The following LIPI variants were observed in gnomAD, a reference collection of about 807,000 sequenced individuals.
The protein encoded by LIPI is lipase member I.
In LIPI, 59 loss-of-function variants were observed where a neutral mutation model predicts 50.6. That is an observed-to-expected ratio of 1.16 (90% CI 0.94 to 1.45). LIPI has a LOEUF of 1.45. Among genes scored for constraint, LIPI ranks in the 40% most tolerant of loss-of-function variants. LIPI has a pLI of 0.00. For missense variants in LIPI, 586 were observed against 536.3 expected, an observed-to-expected ratio of 1.09 and a Z score of -0.92; for synonymous variants, 203 against 178.2, an observed-to-expected ratio of 1.14 and a Z score of -1.11.
At chr21:14,152,442 T>A (rs1239892100) in intron 8 of LIPI, 131 bp downstream of exon 8, 4 of 604,110 alleles carry the variant, frequency 6.6e-6, no homozygotes, top group Non-Finnish European at 8.9e-6. Flanking sequence ...ATGAGATCCT[T>A]TTAATATTTA....
At chr21:14,123,282 G>T (rs1054126058) in intron 9 of LIPI, among the ~76,000 whole-genome samples, 1 of 152,200 alleles carries the variant, frequency 6.6e-6, no homozygotes, top group Admixed American at 6.5e-5. Flanking sequence ...CAGTGGAGAA[G>T]CTTCATAGAC....
chr21:14,117,884 A>G (rs1250626678), intron 9 of LIPI, among the ~76,000 whole-genome samples: 1 of 152,076 alleles, frequency 6.6e-6, no homozygotes, highest in African/African-American at 2.4e-5. Context: ...GAAAAGGCAG[A>G]GTTCTTGGCC....
chr21:14,161,524 T>C (rs2018464491), intron 7 of LIPI, among the ~76,000 whole-genome samples: 1 of 129,384 alleles, frequency 7.7e-6, no homozygotes, highest in Admixed American at 8.8e-5. Flanking sequence ...TATATAGATA[T>C]AGATATAATA....
chr21:14,165,135 T>C (rs1013142764), intron 6 of LIPI, 88 bp downstream of exon 6: 1 of 983,996 alleles, frequency 1.0e-6, no homozygotes, highest in African/African-American at 1.6e-5. Flanking sequence ...GTAAACAGAG[T>C]GCACAGTTTA....
At chr21:14,122,896 G>GATT (rs568832960) in intron 9 of LIPI, among the ~76,000 whole-genome samples, 475 of 152,314 alleles carry the variant, frequency 3.1e-3, no homozygotes, top group African/African-American at 9.7e-3. Context: ...TCACAGTTCA[G>GATT]ATTTTTCAGA....
At chr21:14,203,464 G>A (rs2020130893) in intron 1 of LIPI, among the ~76,000 whole-genome samples, 1 of 152,132 alleles carries the variant, frequency 6.6e-6, no homozygotes, top group Non-Finnish European at 1.5e-5. Flanking sequence ...ACTGGATTAA[G>A]AAAATGTGGC....
chr21:14,207,269 C>A (rs1458356535), intron 1 of LIPI, among the ~76,000 whole-genome samples: 4 of 152,106 alleles, frequency 2.6e-5, no homozygotes, highest in African/African-American at 7.2e-5. Flanking sequence ...CTATAGTTAA[C>A]AATAATACAT....
intron 9 of LIPI, among the ~76,000 whole-genome samples, chr21:14,109,779 C>T (rs2016329824): frequency 6.6e-6 from 1 of 151,846 alleles, no homozygotes; most frequent in South Asian, 2.1e-4. Flanking sequence ...CACAAAACAG[C>T]TTAGGCAGGT....
intron 4 of LIPI, among the ~76,000 whole-genome samples, chr21:14,172,032 C>G (rs932036402): frequency 6.6e-6 from 1 of 152,060 alleles, no homozygotes; most frequent in African/African-American, 2.4e-5. Flanking sequence ...AAAAAACAAA[C>G]AACCCCATCA....
chr21:14,209,072 C>T (rs73347921), intron 1 of LIPI, among the ~76,000 whole-genome samples: 2,299 of 152,080 alleles, frequency 0.015, 64 homozygotes, highest in African/African-American at 0.051. Context: ...AATTTCTGAC[C>T]CTTGCAATAT....
At chr21:14,169,961 C>T (rs868226217) in intron 4 of LIPI, among the ~76,000 whole-genome samples, 1,635 of 151,784 alleles carry the variant, frequency 0.011, 26 homozygotes, top group African/African-American at 0.037. Flanking sequence ...ATTGATAGAC[C>T]GCTAGCAAGA....
intron 8 of LIPI, among the ~76,000 whole-genome samples, chr21:14,148,071 C>A (rs1248373845): frequency 6.6e-6 from 1 of 151,988 alleles, no homozygotes; most frequent in Admixed American, 6.6e-5. Flanking sequence ...TCCAATGAAT[C>A]ATTAGTAGTA....
At chr21:14,181,105 T>C (rs746136190) in intron 4 of LIPI, among the ~76,000 whole-genome samples, 34 of 152,194 alleles carry the variant, frequency 2.2e-4, no homozygotes, top group Non-Finnish European at 2.5e-4. Flanking sequence ...TAGAATTCAC[T>C]AATTAATTCA....
intron 2 of LIPI, among the ~76,000 whole-genome samples, chr21:14,186,658 T>C (rs2019466632): frequency 6.6e-6 from 1 of 152,224 alleles, no homozygotes; most frequent in African/African-American, 2.4e-5. Context: ...GTTGGAATTC[T>C]AATCCCCAAG....
intron 9 of LIPI, among the ~76,000 whole-genome samples, chr21:14,128,881 A>G (rs575413175): frequency 6.6e-6 from 1 of 152,222 alleles, no homozygotes; most frequent in South Asian, 2.1e-4. Context: ...TATATCCTTA[A>G]CAACGCCCTG....
In LIPI at chr21:14,186,204, T is replaced by G. The variant is rs1048361796; in HGVS notation, c.433-135A>C. Reference sequence around the variant, plus strand: ...ATTTTGGGGATATCGGGAAAGAGACTTTATAATTTCAAGATGACTATATAT... The same window carrying G: ...ATTTTGGGGATATCGGGAAAGAGACGTTATAATTTCAAGATGACTATATAT... On this transcript the variant is annotated intron_variant, in intron 2 of 9. Coordinates refer to ENST00000681601, the MANE Select transcript of LIPI (RefSeq NM_001302998.2). The G allele has an allele frequency of 4.7e-6, 3 of 642,362 alleles. No homozygotes were observed. In the African/African-American group the frequency reaches 5.5e-5, roughly 12 times the overall value. The allele number at this position is 642,362 out of a possible 1,614,324, so 39.8% of individuals were successfully genotyped here. A position where few individuals can be genotyped will look rare whatever the true frequency, so the allele number is the denominator to read the frequency against.
chr21:14,127,507 T>G (rs1239931703), intron 9 of LIPI, among the ~76,000 whole-genome samples: 1 of 152,236 alleles, frequency 6.6e-6, no homozygotes, highest in Admixed American at 6.5e-5. Flanking sequence ...TATCCATGTT[T>G]AAATTTTACA....
intron 4 of LIPI, among the ~76,000 whole-genome samples, chr21:14,176,342 T>A (rs938714729): frequency 1.3e-5 from 2 of 152,000 alleles, no homozygotes; most frequent in Non-Finnish European, 2.9e-5. Flanking sequence ...CTTTCTCCAT[T>A]TCTGTGTGTT....
intron 9 of LIPI, among the ~76,000 whole-genome samples, chr21:14,124,407 A>T (rs1224313658): frequency 3.3e-5 from 5 of 151,524 alleles, no homozygotes; most frequent in African/African-American, 1.2e-4. Context: ...AACCTCACCC[A>T]CCTCCCCCGA....
Sources: allele counts gnomAD v4.1 joint callset (sites outside exome capture counted in the v4.1 genomes callset), GRCh38; gene constraint gnomAD v4.1.1; transcripts MANE v1.5; gene names NCBI Gene and HGNC (gene_info 2026-07-23, HGNC 2026-07-21).